Variants in ICE1 observed in about 807,000 individuals in gnomAD.
The protein encoded by ICE1 is interactor of little elongation complex ELL subunit 1.
In ICE1, 64 loss-of-function variants were observed where a neutral mutation model predicts 192.7. That is an observed-to-expected ratio of 0.33 (90% CI 0.27 to 0.41). The LOEUF is 0.41. ICE1 is among the 10% of genes least tolerant of loss of function. The probability of loss-of-function intolerance (pLI) is 1.00; values close to 1 mark genes in which losing one functional copy is unlikely to be tolerated. For synonymous variants in ICE1, 1,010 were observed against 984.5 expected (o/e 1.03, Z -0.49); for missense variants, 2,708 against 2,696.0 (o/e 1.00, Z -0.10).
At chr5:5,482,987 T>G (rs1739546118) in intron 17 of ICE1, among the ~76,000 whole-genome samples, 1 of 152,106 alleles carries the variant, frequency 6.6e-6, no homozygotes. Flanking sequence ...GAATTGTCTT[T>G]ATTCTTTTTT....
chr5:5,467,278 A>G (rs1462856511), intron 14 of ICE1, among the ~76,000 whole-genome samples: 3 of 152,236 alleles, frequency 2.0e-5, no homozygotes, highest in Admixed American at 6.5e-5. Context: ...TTAAAATCAG[A>G]TGGAGGTACA....
At chr5:5,435,387 A>G (rs938184916) in intron 1 of ICE1, among the ~76,000 whole-genome samples, 3 of 151,938 alleles carry the variant, frequency 2.0e-5, no homozygotes, top group Admixed American at 6.6e-5. Context: ...CTGGAAAACT[A>G]TTGGGATAAT....
In ICE1 at chr5:5,464,034, C is replaced by A. The variant is rs902780727; in HGVS notation, c.4700C>A (p.Pro1567Gln). ...TCAAACAAAGATCAGTCAAACAAACCAGTAAAAACTTCAGCGTCGAGCAGA... is the reference window on the plus strand; with the variant it reads ...TCAAACAAAGATCAGTCAAACAAACAAGTAAAAACTTCAGCGTCGAGCAGA... Reference protein sequence around the residue: ...KISNKDQSNKPVKTSASSRVE... With the variant: ...KISNKDQSNKQVKTSASSRVE... Residue 1567 changes from proline (P) to glutamine (Q), a missense_variant, in exon 13 of 19, where the codon CCA becomes CAA. This residue lies in a region of ICE1 where 2,366 missense variants were observed against 2,276.6 expected (regional missense o/e 1.04). Coordinates refer to ENST00000296564, the MANE Select transcript of ICE1 (RefSeq NM_015325.3). The surrounding 1 kb of genome is among the most constrained non-coding windows in gnomAD (Gnocchi z 4.0). 4.3e-6 allele frequency: 7 copies of A among 1,613,580 alleles called. No individual in the cohort carries two copies. Among genetic ancestry groups the A allele is most frequent in the Non-Finnish European group, 5.9e-6 (7 of 1,179,820 alleles).
intron 17 of ICE1, among the ~76,000 whole-genome samples, chr5:5,481,800 A>G (rs1579581580): frequency 1.3e-5 from 2 of 152,296 alleles, no homozygotes; most frequent in Non-Finnish European, 2.9e-5. Context: ...TGCTTACTCA[A>G]GTGTTATAGT....
chr5:5,439,066 A>C (rs1322303632), intron 3 of ICE1, among the ~76,000 whole-genome samples: 1 of 152,154 alleles, frequency 6.6e-6, no homozygotes, highest in Non-Finnish European at 1.5e-5. Context: ...TTCTTCCATA[A>C]CTGCACTATG....
At chr5:5,486,671 G>T in intron 17 of ICE1, 50 bp from the exon 18 acceptor site, 1 of 1,277,352 alleles carries the variant, frequency 7.8e-7, no homozygotes, top group Non-Finnish European at 1.1e-6. Context: ...CTTAGGAAAA[G>T]TTAATCAACA....
chr5:5,476,580 T>C (rs147103030), intron 17 of ICE1, among the ~76,000 whole-genome samples: 177 of 152,124 alleles, frequency 1.2e-3, no homozygotes, highest in African/African-American at 4.0e-3. Flanking sequence ...TTGCAGGTAA[T>C]GGGGGAACAG....
At chr5:5,469,501 A>G (rs1405797048) in intron 15 of ICE1, among the ~76,000 whole-genome samples, 4 of 152,140 alleles carry the variant, frequency 2.6e-5, no homozygotes, top group East Asian at 3.9e-4. Flanking sequence ...TTCTTTCATC[A>G]TTTTCTTTCA....
Position 5,461,389 on chromosome 5 carries a change from G to A in ICE1, c.2055G>A (p.Leu685=). 6.2e-7 allele frequency: 1 copy of A among 1,613,914 alleles called. No homozygotes were observed. The highest frequency in any genetic ancestry group is 8.5e-7 in the Non-Finnish European group (1 of 1,179,856). ...LQTKTLNTLH[L]QSEPPECSIG... ...CTAAAACTTTAAACACATTACATCT[G>A]CAGTCTGAGCCACCGGAGTGTTCTA... Residue 685 remains leucine, a synonymous_variant, in exon 13 of 19, where the codon CTG becomes CTA. Transcript: ENST00000296564.
Position 5,447,451 on chromosome 5 carries a change from A to G in ICE1, c.449A>G (p.Asp150Gly). 6.4e-7 allele frequency: 1 copy of G among 1,552,780 alleles called. No individual in the cohort carries two copies. Among genetic ancestry groups the G allele is most frequent in the Non-Finnish European group, 8.7e-7 (1 of 1,147,470 alleles). ...LQEAAVKQTQ[D>G]FKQLRNEKKI... The stretch of plus-strand genomic sequence containing the variant: ...GAGGCTGCTGTCAAGCAAACTCAGG[A>G]CTTCAAGCAACTGAGAAATGAAAAG... Residue 150 changes from aspartate to glycine, a missense_variant, in exon 8 of 19, where the codon GAC (aspartate) becomes GGC (glycine). Asp to Gly is a moderately conservative substitution (Grantham distance 94). Coordinates refer to ENST00000296564, the MANE Select transcript of ICE1 (RefSeq NM_015325.3).
At chr5:5,466,931 T>C (rs1246842159) in intron 14 of ICE1, among the ~76,000 whole-genome samples, 1 of 152,192 alleles carries the variant, frequency 6.6e-6, no homozygotes, top group East Asian at 1.9e-4. Context: ...GGGTTGTCCT[T>C]TGATTCTCTT....
At chr5:5,432,955 A>C (rs1737765268) in intron 1 of ICE1, among the ~76,000 whole-genome samples, 1 of 152,086 alleles carries the variant, frequency 6.6e-6, no homozygotes, top group Admixed American at 6.5e-5. Flanking sequence ...TACACTGAGG[A>C]TGTGGGGCTT....
intron 4 of ICE1, 100 bp downstream of exon 4, chr5:5,440,013 ATG>A (rs1264913829): frequency 2.9e-6 from 2 of 697,300 alleles, no homozygotes; most frequent in Admixed American, 6.8e-5. Flanking sequence ...TTTGAGCAAA[ATG>A]TACATAGGAT....
chr5:5,456,724 A>G (rs1738593221), intron 11 of ICE1, among the ~76,000 whole-genome samples: 1 of 152,174 alleles, frequency 6.6e-6, no homozygotes, highest in Admixed American at 6.5e-5. Flanking sequence ...GCTGGCAAAT[A>G]TAATAAATGG....
Position 5,464,067 on chromosome 5 carries a change from C to A in ICE1, c.4733C>A (p.Thr1578Asn), listed in dbSNP as rs1157202138. Residue 1578 changes from threonine (T) to asparagine (N), a missense_variant, in exon 13 of 19, where the codon ACT (threonine) becomes AAT (asparagine). Transcript: ENST00000296564. This position sits in a 1 kb window ranked among gnomAD's most constrained non-coding sequence, Gnocchi z 4.0. ...VKTSASSRVE[T>N]HQSEVAQSFS... Reference sequence around the variant, plus strand: ...ACTTCAGCGTCGAGCAGAGTTGAAACTCATCAGAGTGAAGTTGCTCAGTCA... The same window carrying A: ...ACTTCAGCGTCGAGCAGAGTTGAAAATCATCAGAGTGAAGTTGCTCAGTCA... The A allele has an allele frequency of 6.2e-7, 1 of 1,613,678 alleles. No individual in the cohort carries two copies. The highest frequency in any genetic ancestry group is 8.5e-7 in the Non-Finnish European group (1 of 1,179,882).
At chr5:5,445,398 AT>A (rs931116290) in intron 7 of ICE1, among the ~76,000 whole-genome samples, 1 of 152,098 alleles carries the variant, frequency 6.6e-6, no homozygotes, top group East Asian at 1.9e-4. Context: ...TTTAAACAAA[AT>A]TTTTTTAATT....
In ICE1 at chr5:5,423,013, C is replaced by CG. The variant is rs1431022695; in HGVS notation, c.84+18dup. ...TCTCTGCAGCAGGTGCAGCACCTCCCGGGGCCCCGGGCGCGGGGGGGGACT... is the reference window on the plus strand; with the variant it reads ...TCTCTGCAGCAGGTGCAGCACCTCCCGGGGGCCCCGGGCGCGGGGGGGGACT... On this transcript the variant is annotated intron_variant, in intron 1 of 18. Transcript: ENST00000296564. 1.5e-6 allele frequency: 2 copies of CG among 1,369,574 alleles called. No individual in the cohort carries two copies. Among genetic ancestry groups the CG allele is most frequent in the Non-Finnish European group, 1.9e-6 (2 of 1,057,702 alleles). 84.8% of individuals were successfully genotyped at this position (1,369,574 alleles called of 1,614,324 possible).
Position 5,465,127 on chromosome 5 carries a change from T to G in ICE1, c.5793T>G (p.Pro1931=), listed in dbSNP as rs1281808501. 1.2e-6 allele frequency: 2 copies of G among 1,611,948 alleles called. No individual in the cohort carries two copies. The highest frequency in any genetic ancestry group is 2.2e-5 in the South Asian group (2 of 90,500). ...CAGAGTTTTCTTTTGATCTGTTACC[T>G]GTCATTCGTAGTCATGTGTATGTGG... ...KIAEFSFDLL[P]VIRSHVYVGN... The change falls in exon 13 of 19, where the codon CCT becomes CCG. Residue 1931 remains proline, a synonymous_variant. Coordinates refer to ENST00000296564, the MANE Select transcript of ICE1 (RefSeq NM_015325.3).
At chr5:5,455,008 T>G (rs1431214838) in intron 11 of ICE1, among the ~76,000 whole-genome samples, 1 of 152,324 alleles carries the variant, frequency 6.6e-6, no homozygotes, top group African/African-American at 2.4e-5. Flanking sequence ...GTTCCTTTGG[T>G]TGAACATCTT....
Sources: gnomAD v4.1 joint callset for allele counts (sites outside exome capture counted in the v4.1 genomes callset) on GRCh38, gnomAD v4.1.1 for gene constraint, gnomAD v4.1.1 regional missense constraint, Gnocchi (gnomAD v3.1) non-coding constraint, MANE v1.5 for transcripts, NCBI Gene and HGNC (gene_info 2026-07-23, HGNC 2026-07-21) for gene names.